Variants in LYPD1 observed in about 807,000 individuals in gnomAD.
LYPD1 encodes the protein ly6/PLAUR domain-containing protein 1.
In LYPD1, 14 loss-of-function variants were observed where a neutral mutation model predicts 14.2. The observed-to-expected ratio is 0.99, with a 90% CI of 0.65 to 1.54. LYPD1 has a LOEUF of 1.54. LYPD1 is among the 40% of genes most tolerant of loss of function. The pLI is 0.00. For synonymous variants in LYPD1, 85 were observed against 70.6 expected (o/e 1.20, Z -1.02); for missense variants, 165 against 175.7 (o/e 0.94, Z 0.34).
intron 2 of LYPD1, among the ~76,000 whole-genome samples, chr2:132,658,581 C>T (rs942922447): frequency 6.6e-6 from 1 of 152,146 alleles, no homozygotes; most frequent in Non-Finnish European, 1.5e-5. Context: ...GGCAAGAATA[C>T]AAGCAATTAG....
intron 2 of LYPD1, chr2:132,663,108 G>A (rs1009348661): frequency 3.0e-4 from 46 of 152,322 alleles, no homozygotes; most frequent in African/African-American, 1.0e-3. Flanking sequence ...TGTTCTTTTA[G>A]TGTCTGGAAA....
At chr2:132,663,316 C>T (rs553547919) in intron 2 of LYPD1, among the ~76,000 whole-genome samples, 1 of 152,258 alleles carries the variant, frequency 6.6e-6, no homozygotes, top group Admixed American at 6.5e-5. Flanking sequence ...CTCTGTTGCC[C>T]AGGCTGGAGT....
Position 132,646,098 on chromosome 2 carries a change from G to T in LYPD1, c.373C>A (p.Leu125Ile). ...TTGAGGAACAGGATGGTGGTGCGGA[G>T]CCCTGGCCTGAGGGCCGAGGCAGAA... ...GSSASALRPG[L>I]RTTILFLKLA... Residue 125 changes from leucine to isoleucine, a missense_variant, in exon 3 of 3, where the codon CTC becomes ATC. Leu to Ile is a conservative substitution (Grantham distance 5). Transcript: ENST00000397463. The T allele has an allele frequency of 6.2e-7, 1 of 1,607,396 alleles. No homozygotes were observed. Among genetic ancestry groups the T allele is most frequent in the Non-Finnish European group, 8.5e-7 (1 of 1,176,396 alleles).
intron 2 of LYPD1, among the ~76,000 whole-genome samples, chr2:132,662,805 A>C (rs1404437248): frequency 6.6e-6 from 1 of 152,250 alleles, no homozygotes; most frequent in Non-Finnish European, 1.5e-5. Flanking sequence ...TAGGAAAACT[A>C]TCAATGACAG....
intron 2 of LYPD1, chr2:132,646,501 C>T (rs779663248): frequency 9.4e-5 from 37 of 394,924 alleles, no homozygotes; most frequent in South Asian, 1.3e-4. Flanking sequence ...GTTCCAAAAG[C>T]GATTTGAGAT....
At chr2:132,651,543 A>G (rs1234634802) in intron 2 of LYPD1, among the ~76,000 whole-genome samples, 2 of 152,240 alleles carry the variant, frequency 1.3e-5, no homozygotes, top group East Asian at 1.9e-4. Context: ...ATAATTCAAA[A>G]TGCAACAAAT....
At chr2:132,657,757 G>T (rs1304571747) in intron 2 of LYPD1, among the ~76,000 whole-genome samples, 1 of 152,178 alleles carries the variant, frequency 6.6e-6, no homozygotes, top group Non-Finnish European at 1.5e-5. Flanking sequence ...CTTCCAAAGG[G>T]TGACAGTGAT....
At position 132,645,242 on chromosome 2, in the gene LYPD1, T is replaced by TCTAC; in HGVS notation, c.*799_*802dup. 1 of 1,614,162 alleles carries TCTAC rather than the reference T, an allele frequency of 6.2e-7. No homozygotes were observed. Among genetic ancestry groups the TCTAC allele is most frequent in the Non-Finnish European group, 8.5e-7 (1 of 1,180,030 alleles). ...CTCCTCCCCTTCTCGGAGACGTTTT[T>TCTAC]CTACCTCAGCTCGGTCATCAACCCG... On this transcript the variant is annotated 3_prime_UTR_variant, in exon 3 of 3. Coordinates refer to ENST00000397463, the MANE Select transcript of LYPD1 (RefSeq NM_144586.7).
intron 2 of LYPD1, among the ~76,000 whole-genome samples, chr2:132,663,904 G>A (rs1186692197): frequency 1.3e-5 from 2 of 152,148 alleles, no homozygotes; most frequent in Admixed American, 1.3e-4. Context: ...ACATAGCATG[G>A]ATTAAGGAAT....
At chr2:132,649,869 A>G (rs1474628206) in intron 2 of LYPD1, among the ~76,000 whole-genome samples, 3 of 151,568 alleles carry the variant, frequency 2.0e-5, no homozygotes, top group Non-Finnish European at 4.4e-5. Context: ...GACACTTTGG[A>G]ACCTTGGGAG....
chr2:132,664,823 C>A (rs188107625), intron 2 of LYPD1, among the ~76,000 whole-genome samples: 134 of 152,258 alleles, frequency 8.8e-4, no homozygotes, highest in Non-Finnish European at 1.0e-3. Flanking sequence ...TTTAAAAATT[C>A]ATACTGGAGG....
In LYPD1 at chr2:132,670,112, C is replaced by G. The variant is rs1231114510; in HGVS notation, c.-180G>C. On this transcript the variant is annotated 5_prime_UTR_variant, in exon 1 of 3. Coordinates refer to ENST00000397463, the MANE Select transcript of LYPD1 (RefSeq NM_144586.7). This position sits in a 1 kb window ranked among gnomAD's most constrained non-coding sequence, Gnocchi z 4.5. ...TGCCGCTCGCGGAGCCTGCATCGCC[C>G]GCGCTCGGGCTCCCGGCTGCGGGTC... The G allele has an allele frequency of 7.0e-7, 1 of 1,421,982 alleles. No individual in the cohort carries two copies. The highest frequency in any genetic ancestry group is 2.9e-5 in the East Asian group (1 of 35,082). 88.1% of individuals were successfully genotyped at this position (1,421,982 alleles called of 1,614,324 possible).
chr2:132,645,357 GA>G lies in LYPD1; in HGVS notation c.*687del, dbSNP rs2104886466. 1 of 1,614,070 alleles carries G rather than the reference GA, an allele frequency of 6.2e-7. No individual in the cohort carries two copies. Among genetic ancestry groups the G allele is most frequent in the East Asian group, 2.2e-5 (1 of 44,882 alleles). On this transcript the variant is annotated 3_prime_UTR_variant, in exon 3 of 3. Coordinates refer to ENST00000397463, the MANE Select transcript of LYPD1 (RefSeq NM_144586.7). ...TGTCGCTGCAGCACGCCAACCACGA[GA>G]AGCGCCTGCGCGTACATGCGCACTC...
intron 2 of LYPD1, 84 bp from the exon 3 acceptor site, chr2:132,646,364 G>C: frequency 1.1e-6 from 1 of 920,638 alleles, no homozygotes; most frequent in Non-Finnish European, 1.5e-6. Flanking sequence ...CAAACGGACA[G>C]CTCTTCCTTA....
chr2:132,663,682 C>A (rs2104922312), intron 2 of LYPD1, among the ~76,000 whole-genome samples: 2 of 152,258 alleles, frequency 1.3e-5, no homozygotes, highest in African/African-American at 4.8e-5. Flanking sequence ...CATAGCCCAT[C>A]TGATTGATTC....
Position 132,644,730 on chromosome 2 carries a change from T to C in LYPD1, c.*1315A>G, listed in dbSNP as rs1573717037. 1 of 219,556 alleles carries C rather than the reference T, an allele frequency of 4.6e-6. No homozygotes were observed. The highest frequency in any genetic ancestry group is 1.2e-4 in the East Asian group (1 of 8,068). The allele number at this position is 219,556 out of a possible 1,614,324, so 13.6% of individuals were successfully genotyped here. A position where few individuals can be genotyped will look rare whatever the true frequency, so the allele number is the denominator to read the frequency against. ...GCAGCTATACTGTATGTATACATCT[T>C]TTTCTTTAAAACAAAAAAAGACAAA... On this transcript the variant is annotated 3_prime_UTR_variant, in exon 3 of 3. Coordinates refer to ENST00000397463, the MANE Select transcript of LYPD1 (RefSeq NM_144586.7).
intron 2 of LYPD1, among the ~76,000 whole-genome samples, chr2:132,653,565 T>C (rs778768963): frequency 6.6e-6 from 1 of 152,202 alleles, no homozygotes; most frequent in Non-Finnish European, 1.5e-5. Context: ...TAACAACTGA[T>C]GTGGGAGAGA....
chr2:132,659,647 T>C (rs1259069842), intron 2 of LYPD1, among the ~76,000 whole-genome samples: 3 of 152,204 alleles, frequency 2.0e-5, no homozygotes, highest in African/African-American at 7.2e-5. Flanking sequence ...GGGTGGAAAG[T>C]TGTCCTTCCT....
intron 2 of LYPD1, among the ~76,000 whole-genome samples, chr2:132,653,815 A>G (rs1414179565): frequency 1.3e-5 from 2 of 152,200 alleles, no homozygotes. Context: ...ATCTCTTCTG[A>G]GGATTCTTGT....
Sources: allele counts gnomAD v4.1 joint callset (sites outside exome capture counted in the v4.1 genomes callset), GRCh38; gene constraint gnomAD v4.1.1; non-coding constraint Gnocchi (gnomAD v3.1); transcripts MANE v1.5; gene names NCBI Gene and HGNC (gene_info 2026-07-23, HGNC 2026-07-21).